The following BST2 variants were observed in gnomAD, a reference collection of about 807,000 sequenced individuals.
BST2 encodes the protein bone marrow stromal antigen 2.
BST2 carries 10 observed loss-of-function variants against 18.6 expected under a neutral mutation model. The ratio of observed to expected loss-of-function variants is 0.54; its 90% CI spans 0.33 to 0.91. The LOEUF (loss-of-function observed/expected upper bound fraction) is 0.91, where lower values mean the gene tolerates loss of function less well. BST2 is among the 40% of genes least tolerant of loss of function. The probability of loss-of-function intolerance (pLI) is 0.02; values close to 1 mark genes in which losing one functional copy is unlikely to be tolerated. For missense variants in BST2, 183 were observed against 228.4 expected (o/e 0.80, Z 1.28); for synonymous variants, 75 against 96.8 (o/e 0.77, Z 1.32).
rs1278992836 is a variant in BST2, at chr19:17,405,442, G to A, written c.134C>T (p.Thr45Ile). Residue 45 changes from threonine to isoleucine, a missense_variant, in exon 1 of 5, where the codon ACC (threonine) becomes ATC (isoleucine). By Grantham distance (89) the Thr-to-Ile change is moderately conservative. Coordinates refer to ENST00000252593, the MANE Select transcript of BST2 (RefSeq NM_004335.4). Reference protein sequence around the residue: ...VILGVPLIIFTIKANSEACRD... With the variant: ...VILGVPLIIFIIKANSEACRD... ...GCAGGCCTCGCTGTTGGCCTTGATG[G>A]TGAAGATAATCAAGGGCACCCCCAG... The A allele has an allele frequency of 1.2e-6, 2 of 1,614,242 alleles. No homozygotes were observed. The highest frequency in any genetic ancestry group is 1.7e-5 in the Admixed American group (1 of 60,020).
intron 1 of BST2, 93 bp downstream of exon 1, chr19:17,405,198 C>T: frequency 6.9e-7 from 1 of 1,441,658 alleles, no homozygotes; most frequent in East Asian, 2.4e-5. Context: ...CTGCATCTCC[C>T]TGGAGACCCA....
chr19:17,404,434 C>G lies in BST2; in HGVS notation c.289G>C (p.Ala97Pro), dbSNP rs2074714499. 1 of 1,613,970 alleles carries G rather than the reference C, an allele frequency of 6.2e-7. No homozygotes were observed. The highest frequency in any genetic ancestry group is 1.3e-5 in the African/African-American group (1 of 74,894). ...TCTGCATCCAGGGAAGCCATTAGGG[C>G]CATCTAAGAAGAGTTAGAATCTGGG... ...QAATCNHTVMALMASLDAEKA... is the reference protein window; with the variant it reads ...QAATCNHTVMPLMASLDAEKA... Residue 97 changes from alanine to proline, a missense_variant, in exon 2 of 5, where the codon GCC becomes CCC. Transcript: ENST00000252593.
At chr19:17,405,138 G>C (rs747027194) in intron 1 of BST2, among the ~76,000 whole-genome samples, 153 bp downstream of exon 1, 1 of 152,210 alleles carries the variant, frequency 6.6e-6, no homozygotes, top group Non-Finnish European at 1.5e-5. Flanking sequence ...CCTGGTAGGG[G>C]AACCTAGGTC....
Position 17,403,170 on chromosome 19 carries a change from C to G in BST2, c.*172G>C, listed in dbSNP as rs2074705808. ...CCCGACTGTGTCCCCACACCCAGGACTTCCCCATGGCCCCTCCAGACCTGC... is the reference window on the plus strand; with the variant it reads ...CCCGACTGTGTCCCCACACCCAGGAGTTCCCCATGGCCCCTCCAGACCTGC... On this transcript the variant is annotated 3_prime_UTR_variant, in exon 5 of 5. Coordinates refer to ENST00000252593, the MANE Select transcript of BST2 (RefSeq NM_004335.4). 1.0e-6 allele frequency: 1 copy of G among 990,268 alleles called. No homozygotes were observed. Among genetic ancestry groups the G allele is most frequent in the South Asian group, 4.5e-5 (1 of 22,162 alleles). 61.3% of individuals were successfully genotyped at this position (990,268 alleles called of 1,614,324 possible).
Position 17,403,663 on chromosome 19 carries a change from G to A in BST2, c.*15+17C>T, listed in dbSNP as rs1437268930. ...CAGCTTTCTTCTCCCTCCCGGGGCC[G>A]CCCCCTCCTCACTGACCAGCTTCCT... is the stretch of plus-strand genomic sequence containing the variant. On this transcript the variant is annotated intron_variant, in intron 4 of 4. Coordinates refer to ENST00000252593, the MANE Select transcript of BST2 (RefSeq NM_004335.4). The A allele has an allele frequency of 6.3e-7, 1 of 1,576,662 alleles. No individual in the cohort carries two copies. Among genetic ancestry groups the A allele is most frequent in the Non-Finnish European group, 8.6e-7 (1 of 1,161,686 alleles).
Position 17,404,358 on chromosome 19 carries a change from C to T in BST2, c.352+13G>A. The T allele has an allele frequency of 6.3e-7, 1 of 1,595,326 alleles. No homozygotes were observed. Among genetic ancestry groups the T allele is most frequent in the Admixed American group, 1.7e-5 (1 of 59,730 alleles). ...TCACCCCTCCCCGGCCCTCTCCCTTCTCCCTTTCTCACCCTCAAGCTCCTC... is the reference window on the plus strand; with the variant it reads ...TCACCCCTCCCCGGCCCTCTCCCTTTTCCCTTTCTCACCCTCAAGCTCCTC... On this transcript the variant is annotated intron_variant, in intron 2 of 4. Transcript: ENST00000252593.
Position 17,403,225 on chromosome 19 carries a change from C to A in BST2, c.*117G>T, listed in dbSNP as rs568413763. The A allele has an allele frequency of 1.0e-4, 100 of 997,340 alleles. No homozygotes were observed. In the South Asian group the frequency reaches 3.8e-3, roughly 38 times the overall value. The allele number at this position is 997,340 out of a possible 1,614,324, so 61.8% of individuals were successfully genotyped here. A position where few individuals can be genotyped will look rare whatever the true frequency, so the allele number is the denominator to read the frequency against. ...GAGGCCCTTCTCCGGCTACCCCGTG[C>A]TCTCCCCGCTAACCGTGTTGCCCCA... On this transcript the variant is annotated 3_prime_UTR_variant, in exon 5 of 5. Transcript: ENST00000252593.
chr19:17,403,815 GT>G lies in BST2; in HGVS notation c.422del (p.Asn141ThrfsTer4). The G allele has an allele frequency of 6.4e-7, 1 of 1,559,778 alleles. No individual in the cohort carries two copies. Among genetic ancestry groups the G allele is most frequent in the Non-Finnish European group, 8.6e-7 (1 of 1,159,044 alleles). ...CCGCGATTCTCACGCTTAAGACCTG[GT>G]TTTCTCTTCTGCGGTACAGATGGCA... ...SAEVERLRRE[N>X]QVLSVRIADK... On this transcript the variant is annotated frameshift_variant, in exon 4 of 5. Coordinates refer to ENST00000252593, the MANE Select transcript of BST2 (RefSeq NM_004335.4). LOFTEE classifies it high-confidence loss of function.
Position 17,403,023 on chromosome 19 carries a change from C to A in BST2, c.*319G>T, listed in dbSNP as rs892939850. 7.9e-4 allele frequency: 782 copies of A among 984,228 alleles called. 1 individual carries two copies. The highest frequency in any genetic ancestry group is 9.0e-4 in the Non-Finnish European group (745 of 829,634). 61.0% of individuals were successfully genotyped at this position (984,228 alleles called of 1,614,324 possible). A position where few individuals can be genotyped will look rare whatever the true frequency, so the allele number is the denominator to read the frequency against. ...AAAGCAACCCCCCCCGCAAAAAAAA[C>A]CCATAACAACAGGCAGCACATGCCC... On this transcript the variant is annotated 3_prime_UTR_variant, in exon 5 of 5. Coordinates refer to ENST00000252593, the MANE Select transcript of BST2 (RefSeq NM_004335.4).
chr19:17,403,979 G>A, intron 3 of BST2, 150 bp downstream of exon 3: 2 of 1,326,900 alleles, frequency 1.5e-6, no homozygotes, highest in African/African-American at 1.4e-5. Flanking sequence ...GTGACCCTAG[G>A]GGCTAAGTTA....
intron 3 of BST2, 34 bp from the exon 4 acceptor site, chr19:17,403,858 G>C: frequency 6.2e-7 from 1 of 1,600,106 alleles, no homozygotes; most frequent in East Asian, 2.2e-5. Context: ...GCATCTGCTC[G>C]TCCTGGCTCC....
Position 17,403,194 on chromosome 19 carries a change from G to C in BST2, c.*148C>G. ...ACTTCCCCATGGCCCCTCCAGACCT[G>C]CTCCAGAGGCCCTTCTCCGGCTACC... On this transcript the variant is annotated 3_prime_UTR_variant, in exon 5 of 5. Transcript: ENST00000252593. 1.0e-6 allele frequency: 1 copy of C among 994,648 alleles called. No homozygotes were observed. The highest frequency in any genetic ancestry group is 1.2e-6 in the Non-Finnish European group (1 of 835,372). The allele number at this position is 994,648 out of a possible 1,614,324, so 61.6% of individuals were successfully genotyped here. A position where few individuals can be genotyped will look rare whatever the true frequency, so the allele number is the denominator to read the frequency against.
At chr19:17,404,919 C>T (rs1397962684) in intron 1 of BST2, among the ~76,000 whole-genome samples, 1 of 152,106 alleles carries the variant, frequency 6.6e-6, no homozygotes, top group Non-Finnish European at 1.5e-5. Flanking sequence ...CTGGTGAGGT[C>T]CCCCTTCAAC....
chr19:17,404,520 G>A (rs1340055395), intron 1 of BST2, 83 bp from the exon 2 acceptor site: 2 of 1,593,916 alleles, frequency 1.3e-6, no homozygotes, highest in African/African-American at 2.7e-5. Flanking sequence ...CTAGGTCCTG[G>A]GGACAGAGGG....
At chr19:17,403,621 T>TGCC in intron 4 of BST2, 59 bp downstream of exon 4, 2 of 1,568,220 alleles carry the variant, frequency 1.3e-6, no homozygotes, top group South Asian at 1.2e-5. Flanking sequence ...AGCCTCTGCT[T>TGCC]CCCCGCCCCG....
chr19:17,404,587 C>A, intron 1 of BST2, 150 bp from the exon 2 acceptor site: 2 of 1,202,052 alleles, frequency 1.7e-6, no homozygotes, highest in Non-Finnish European at 2.3e-6. Context: ...CCATGGTCTC[C>A]AACCTTAAAG....
chr19:17,404,700 T>C (rs1008794952), intron 1 of BST2, among the ~76,000 whole-genome samples: 2 of 152,170 alleles, frequency 1.3e-5, no homozygotes, highest in Non-Finnish European at 2.9e-5. Context: ...AGGCTATCGA[T>C]AACCAAAGTT....
At chr19:17,403,485 C>T (rs1370400960) in intron 4 of BST2, among the ~76,000 whole-genome samples, 159 bp from the exon 5 acceptor site, 1 of 149,400 alleles carries the variant, frequency 6.7e-6, no homozygotes, top group Admixed American at 6.7e-5. Context: ...GATAGCCCCG[C>T]CCCATACAGC....
rs776573039 is a variant in BST2 at position 17,405,415 on chromosome 19, C to T, written c.161G>A (p.Arg54Gln). ...CTCCATCACTGCCCGAAGGCCGTCC[C>T]GGCAGGCCTCGCTGTTGGCCTTGAT... ...FTIKANSEAC[R>Q]DGLRAVMECR... is the part of the protein sequence containing the mutation. The change falls in exon 1 of 5, where the codon CGG (arginine) becomes CAG (glutamine). Residue 54 changes from arginine to glutamine, a missense_variant. Transcript: ENST00000252593. 26 of 1,614,124 alleles carry T rather than the reference C, an allele frequency of 1.6e-5. No individual in the cohort carries two copies. Among genetic ancestry groups the T allele is most frequent in the South Asian group, 9.9e-5 (9 of 91,088 alleles).
Sources: allele counts gnomAD v4.1 joint callset (sites outside exome capture counted in the v4.1 genomes callset), GRCh38; gene constraint gnomAD v4.1.1; transcripts MANE v1.5; gene names NCBI Gene and HGNC (gene_info 2026-07-23, HGNC 2026-07-21).